The following BCL9 variants were observed in gnomAD, a reference collection of about 807,000 sequenced individuals.
BCL9 encodes B-cell CLL/lymphoma 9 protein.
A neutral mutation model predicts 88.5 loss-of-function variants in BCL9; 25 were observed. The ratio of observed to expected loss-of-function variants is 0.28; its 90% CI spans 0.21 to 0.39. The LOEUF (loss-of-function observed/expected upper bound fraction) is 0.39. Among genes scored for constraint, BCL9 ranks in the 10% least tolerant of loss-of-function variants. The probability of loss-of-function intolerance (pLI) is 1.00; values close to 1 mark genes in which losing one functional copy is unlikely to be tolerated. For missense variants in BCL9, 1,817 were observed against 1,877.8 expected, an observed-to-expected ratio of 0.97 and a Z score of 0.60; for synonymous variants, 711 against 673.3, an observed-to-expected ratio of 1.06 and a Z score of -0.87.
At chr1:147,593,175 A>G (rs938245732) in intron 1 of BCL9, among the ~76,000 whole-genome samples, 2 of 152,222 alleles carry the variant, frequency 1.3e-5, no homozygotes, top group Non-Finnish European at 2.9e-5. Flanking sequence ...GCCCCACTGC[A>G]TGCCTGAATC....
At chr1:147,607,861 C>G (rs1657801529) in intron 3 of BCL9, among the ~76,000 whole-genome samples, 1 of 152,088 alleles carries the variant, frequency 6.6e-6, no homozygotes, top group African/African-American at 2.4e-5. Context: ...AGATGTCAAG[C>G]AGGTAGATGT....
chr1:147,589,001 C>T (rs1553199602), intron 1 of BCL9, among the ~76,000 whole-genome samples: 2 of 152,154 alleles, frequency 1.3e-5, no homozygotes, highest in African/African-American at 4.8e-5. Context: ...CCTCTGCTCT[C>T]AGTGGATGCA....
intron 1 of BCL9, among the ~76,000 whole-genome samples, chr1:147,574,953 A>G (rs1254894334): frequency 1.3e-5 from 2 of 152,304 alleles, no homozygotes; most frequent in Non-Finnish European, 2.9e-5. Flanking sequence ...TAGCAAGTAT[A>G]GGAAAACAGA....
chr1:147,596,743 G>C (rs1657075409), intron 1 of BCL9, among the ~76,000 whole-genome samples: 1 of 152,124 alleles, frequency 6.6e-6, no homozygotes, highest in South Asian at 2.1e-4. Flanking sequence ...ATGGTTAGAT[G>C]CTATTCCATT....
rs149598091 is a variant in BCL9 at position 147,620,160 on chromosome 1, A to T, written c.2005A>T (p.Met669Leu). The change falls in exon 8 of 10, where the codon ATG (methionine) becomes TTG (leucine). Residue 669 changes from methionine to leucine, a missense_variant. By Grantham distance (15) the Met-to-Leu change is conservative (BLOSUM62 2). Transcript: ENST00000234739. ...NRMIPGSQRHMEPGNNPIFPR... is the reference protein window; with the variant it reads ...NRMIPGSQRHLEPGNNPIFPR... ...GATGATTCCAGGCTCCCAGCGCCACATGGAGCCTGGGAATAACCCCATTTT... is the reference window on the plus strand; with the variant it reads ...GATGATTCCAGGCTCCCAGCGCCACTTGGAGCCTGGGAATAACCCCATTTT... 9 of 1,614,022 alleles carry T rather than the reference A, an allele frequency of 5.6e-6. No individual in the cohort carries two copies. The African/African-American group carries it at 1.2e-4, about 22-fold the overall frequency.
chr1:147,595,250 C>T (rs1553200343), intron 1 of BCL9, among the ~76,000 whole-genome samples: 1 of 152,208 alleles, frequency 6.6e-6, no homozygotes, highest in East Asian at 1.9e-4. Context: ...TACATCTTAG[C>T]ATTAGAAATT....
chr1:147,623,486 A>G (rs1658757238), intron 9 of BCL9, among the ~76,000 whole-genome samples: 2 of 152,200 alleles, frequency 1.3e-5, no homozygotes, highest in South Asian at 4.1e-4. Flanking sequence ...GATTTCTCCA[A>G]AAGGACCGTA....
At position 147,624,872 on chromosome 1, in the gene BCL9, A is replaced by C. The variant is rs782038729; in HGVS notation, c.4194A>C (p.Pro1398=). The C allele has an allele frequency of 5.0e-6, 8 of 1,614,132 alleles. No homozygotes were observed. Among genetic ancestry groups the C allele is most frequent in the Non-Finnish European group, 6.8e-6 (8 of 1,180,002 alleles). ...CCCAACAGAACATCATGATCCCCCC[A>C]CAGATGAGGCCCCGGGGCATGGCTG... ...MGPQQNIMIP[P]QMRPRGMAAD... Residue 1398 remains proline (P), a synonymous_variant, in exon 10 of 10, where the codon CCA becomes CCC. Coordinates refer to ENST00000234739, the MANE Select transcript of BCL9 (RefSeq NM_004326.4). This position sits in a 1 kb window ranked among gnomAD's most constrained non-coding sequence, Gnocchi z 4.4.
At chr1:147,590,301 C>T (rs1553199743) in intron 1 of BCL9, among the ~76,000 whole-genome samples, 1 of 152,230 alleles carries the variant, frequency 6.6e-6, no homozygotes, top group African/African-American at 2.4e-5. Context: ...CACTATTCTT[C>T]CTTCCTCTTA....
chr1:147,615,427 A>G (rs1658227968), intron 6 of BCL9, among the ~76,000 whole-genome samples: 1 of 152,202 alleles, frequency 6.6e-6, no homozygotes, highest in South Asian at 2.1e-4. Context: ...TAAAAAGTGA[A>G]TCTTAACAGC....
At chr1:147,585,140 G>A (rs913670316) in intron 1 of BCL9, among the ~76,000 whole-genome samples, 5 of 152,186 alleles carry the variant, frequency 3.3e-5, no homozygotes, top group Non-Finnish European at 7.3e-5. Context: ...TATCAGGTCT[G>A]CTCTTTAGGG....
intron 4 of BCL9, among the ~76,000 whole-genome samples, chr1:147,612,175 T>G (rs925678314): frequency 6.6e-6 from 1 of 152,130 alleles, no homozygotes; most frequent in Non-Finnish European, 1.5e-5. Flanking sequence ...GACCAACCAG[T>G]ACAGTTTGCC....
chr1:147,545,348 T>C lies in BCL9; in HGVS notation c.-478+3674T>C, dbSNP rs1377739745. On this transcript the variant is annotated intron_variant, in intron 1 of 9. Coordinates refer to ENST00000234739, the MANE Select transcript of BCL9 (RefSeq NM_004326.4). ...CATACTCTCCCCCACCCCAAGTGTG[T>C]TACTCACCGGGGAGCTGCCTCTTGG... is the stretch of plus-strand genomic sequence containing the variant. Among the ~76,000 whole-genome samples, 5 of 152,248 alleles carry C rather than the reference T, an allele frequency of 3.3e-5. No individual in the cohort carries two copies. The East Asian group carries it at 9.6e-4, about 29-fold the overall frequency.
At chr1:147,558,800 A>G (rs1377181865) in intron 1 of BCL9, among the ~76,000 whole-genome samples, 1 of 152,210 alleles carries the variant, frequency 6.6e-6, no homozygotes, top group Non-Finnish European at 1.5e-5. Context: ...GTCCTTTTAA[A>G]CAGAAGCATT....
At position 147,541,656 on chromosome 1, in the gene BCL9, A is replaced by AT. The variant is rs782521358; in HGVS notation, c.-493dup. The AT allele has an allele frequency of 6.6e-6, 1 of 151,738 alleles. No individual in the cohort carries two copies. The highest frequency in any genetic ancestry group is 1.5e-5 in the Non-Finnish European group (1 of 67,948). The allele number at this position is 151,738 out of a possible 1,614,324, so 9.4% of individuals were successfully genotyped here. The stretch of plus-strand genomic sequence containing the variant: ...TCAGTTTCTGAAATGATTCTCCAGA[A>AT]TTTCTCCTCATAAAAAAGGTAAGAG... On this transcript the variant is annotated 5_prime_UTR_variant, in exon 1 of 10. An upstream open reading frame in the 5' UTR loses its in-frame stop. Coordinates refer to ENST00000234739, the MANE Select transcript of BCL9 (RefSeq NM_004326.4).
At chr1:147,556,575 G>A (rs1205552614) in intron 1 of BCL9, among the ~76,000 whole-genome samples, 2 of 152,048 alleles carry the variant, frequency 1.3e-5, no homozygotes, top group African/African-American at 4.8e-5. Context: ...CTCAGCCTGA[G>A]TAGCTGAAAC....
At chr1:147,598,624 G>C (rs1023489166) in intron 1 of BCL9, among the ~76,000 whole-genome samples, 6 of 152,198 alleles carry the variant, frequency 3.9e-5, no homozygotes, top group African/African-American at 1.2e-4. Context: ...AAGAGCAGAA[G>C]ATTTATCTCG....
chr1:147,559,698 A>G (rs1325398592), intron 1 of BCL9, among the ~76,000 whole-genome samples: 1 of 152,212 alleles, frequency 6.6e-6, no homozygotes, highest in African/African-American at 2.4e-5. Context: ...AAATGTTATA[A>G]TAGAAATGTA....
In BCL9 at chr1:147,619,181, C is replaced by T. The variant is rs782212622; in HGVS notation, c.1026C>T (p.Pro342=). 2 of 1,613,582 alleles carry T rather than the reference C, an allele frequency of 1.2e-6. No homozygotes were observed. Among genetic ancestry groups the T allele is most frequent in the South Asian group, 1.1e-5 (1 of 91,018 alleles). ...CACCAGTGTCCAGTGGCGAGCCCCC[C>T]ACACTGGGAGAGAATCCCGATGGCC... ...PPPPVSSGEP[P]TLGENPDGLS... is the part of the protein sequence containing the mutation. Residue 342 remains proline (P), a synonymous_variant, in exon 8 of 10, where the codon CCC becomes CCT. Coordinates refer to ENST00000234739, the MANE Select transcript of BCL9 (RefSeq NM_004326.4). This position sits in a 1 kb window ranked among gnomAD's most constrained non-coding sequence, Gnocchi z 4.1.
Sources: allele counts gnomAD v4.1 joint callset (sites outside exome capture counted in the v4.1 genomes callset), GRCh38; gene constraint gnomAD v4.1.1; non-coding constraint Gnocchi (gnomAD v3.1); transcripts MANE v1.5; gene names NCBI Gene and HGNC (gene_info 2026-07-23, HGNC 2026-07-21).